The following MAGEB6B variants were observed in gnomAD, a reference collection of about 807,000 sequenced individuals.
MAGEB6B encodes MAGE family member B6B, also known as melanoma-associated antigen B6B.
For missense variants in MAGEB6B, 277 were observed against 251.5 expected, an observed-to-expected ratio of 1.10 and a Z score of -0.69; for synonymous variants, 107 against 102.3, an observed-to-expected ratio of 1.05 and a Z score of -0.27.
exon 1 of MAGEB6B, chrX:26,161,807 T>C: frequency 1.7e-6 from 2 of 1,209,289 alleles, no homozygotes; most frequent in South Asian, 3.5e-5. Flanking sequence ...AGAGAGAGCA[T>C]TGAGACTGAG....
exon 1 of MAGEB6B, chrX:26,161,814 T>C: frequency 1.2e-5 from 14 of 1,208,558 alleles, no homozygotes; most frequent in Non-Finnish European, 1.6e-5. Context: ...GCATTGAGAC[T>C]GAGAGCTTAA....
chrX:26,160,836 G>A (rs1439029736), exon 1 of MAGEB6B: 3 of 624,384 alleles, frequency 4.8e-6, no homozygotes, highest in Non-Finnish European at 8.4e-6. Context: ...GGTGCTTCAT[G>A]CTCAAAATAT....
chrX:26,160,778 G>C, exon 1 of MAGEB6B: 1 of 597,421 alleles, frequency 1.7e-6, no homozygotes, highest in Non-Finnish European at 3.0e-6. Flanking sequence ...TGGTTCCTCC[G>C]TTCCTCAGGA....
exon 1 of MAGEB6B, chrX:26,160,850 G>C (rs1569250119): frequency 3.2e-6 from 2 of 616,259 alleles, no homozygotes; most frequent in Non-Finnish European, 5.7e-6. Context: ...AAAATATGAT[G>C]TGGCTGCCAT....
chrX:26,160,854 C>T lies in MAGEB6B; in HGVS notation c.254C>T (p.Ala85Val), dbSNP rs182797029. 2,778 of 612,104 alleles carry T rather than the reference C, an allele frequency of 4.5e-3. 47 individuals are homozygous for T. In the African/African-American group the frequency reaches 0.052, roughly 11 times the overall value. The allele number at this position is 612,104 out of a possible 1,213,427, so 50.4% of individuals were successfully genotyped here. ...GCTTCATGCTCAAAATATGATGTGG[C>T]TGCCATGGGTCAAGATGAGAAAAGT... The change falls in exon 1 of 1, where the codon GCT becomes GTT. Residue 85 changes from alanine to valine, a missense_variant. Transcript: ENST00000416929.
At chrX:26,162,090 G>A (rs1928698564), downstream of MAGEB6B, among the ~76,000 whole-genome samples, 1 of 112,182 alleles carries the variant, frequency 8.9e-6, no homozygotes, top group Admixed American at 9.5e-5. Flanking sequence ...GGTTTATTTT[G>A]CTTCAGATTA....
chrX:26,160,989 G>A, exon 1 of MAGEB6B: 1 of 751,371 alleles, frequency 1.3e-6, no homozygotes, highest in Non-Finnish European at 2.1e-6. Flanking sequence ...GCTGCCAAGG[G>A]TCAAAATGAG....
At chrX:26,160,678 A>G (rs768818788) in exon 1 of MAGEB6B, 14 of 570,042 alleles carry the variant, frequency 2.5e-5, no homozygotes, top group Non-Finnish European at 3.9e-5. Flanking sequence ...AAGGTCTCAC[A>G]GGTCCCCAGG....
At position 26,161,124 on chromosome X, in the gene MAGEB6B, A is replaced by C. The variant is rs370430453; in HGVS notation, c.524A>C (p.Glu175Ala). The change falls in exon 1 of 1, where the codon GAG becomes GCG. Residue 175 changes from glutamate (E) to alanine (A), a missense_variant. Glu to Ala is a moderately radical substitution (Grantham distance 107). Transcript: ENST00000416929. ...GATGTGGCTGCCAAGGGTCAAGATG[A>C]GGAAAGTTTAAGCTCCTCCAAGAGA... The C allele has an allele frequency of 3.3e-4, 320 of 966,769 alleles. 1 individual carries two copies. The highest frequency in any genetic ancestry group is 4.5e-4 in the Non-Finnish European group (302 of 673,249). 79.7% of individuals were successfully genotyped at this position (966,769 alleles called of 1,213,427 possible).
In MAGEB6B at chrX:26,161,274, TC is replaced by T; in HGVS notation, c.676del (p.Arg226AlafsTer19). On this transcript the variant is annotated frameshift_variant, in exon 1 of 1. Transcript: ENST00000416929. LOFTEE classifies it low-confidence loss of function (END_TRUNC). ...TTGAAGGCAGACATGCTGAAGCGTC[TC>T]CGCAGACAGTACAAGCCATGCTTCC... 1.5e-6 allele frequency: 1 copy of T among 660,856 alleles called. No homozygotes were observed. The highest frequency in any genetic ancestry group is 2.5e-6 in the Non-Finnish European group (1 of 392,719). 54.5% of individuals were successfully genotyped at this position (660,856 alleles called of 1,213,427 possible). A position where few individuals can be genotyped will look rare whatever the true frequency, so the allele number is the denominator to read the frequency against.
exon 1 of MAGEB6B, chrX:26,161,173 C>A: frequency 3.9e-6 from 3 of 763,106 alleles, no homozygotes; most frequent in East Asian, 3.1e-5. Context: ...CAACCACAGA[C>A]GGAGATCCTA....
At chrX:26,161,990 T>C (rs141568591), downstream of MAGEB6B, among the ~76,000 whole-genome samples, 431 of 112,444 alleles carry the variant, frequency 3.8e-3, 3 homozygotes, top group African/African-American at 0.013. Context: ...GAACAAGATA[T>C]GTATTTCTTT....
exon 1 of MAGEB6B, chrX:26,161,552 G>A: frequency 8.3e-7 from 1 of 1,211,326 alleles, no homozygotes; most frequent in Non-Finnish European, 1.1e-6. Context: ...GGGGATATAT[G>A]ATGGGATCCT....
downstream of MAGEB6B, among the ~76,000 whole-genome samples, chrX:26,162,331 AAATTGTTT>A (rs1928702298): frequency 8.9e-6 from 1 of 112,246 alleles, no homozygotes; most frequent in Non-Finnish European, 1.9e-5. Context: ...AGAAATGTAA[AAATTGTTT>A]AATTCTTGGT....
chrX:26,162,400 A>G (rs1378370924), downstream of MAGEB6B, among the ~76,000 whole-genome samples: 3 of 111,381 alleles, frequency 2.7e-5, no homozygotes, highest in Non-Finnish European at 5.6e-5. Context: ...GGATACCTGG[A>G]TTTATTTAGG....
chrX:26,161,495 G>A, exon 1 of MAGEB6B: 2 of 1,203,704 alleles, frequency 1.7e-6, no homozygotes, highest in African/African-American at 1.7e-5. Context: ...CTTCATGAGA[G>A]GCAACCGTGC....
At chrX:26,160,882 T>C (rs758218664) in exon 1 of MAGEB6B, 6 of 592,777 alleles carry the variant, frequency 1.0e-5, no homozygotes, top group Non-Finnish European at 1.8e-5. Flanking sequence ...AGAAAAGTCC[T>C]AGTACCTCCC....
At chrX:26,162,294 A>G (rs1206353579), downstream of MAGEB6B, among the ~76,000 whole-genome samples, 2 of 112,505 alleles carry the variant, frequency 1.8e-5, no homozygotes, top group Admixed American at 9.4e-5. Context: ...TTGACATCAT[A>G]ATATGAAGAG....
At position 26,161,121 on chromosome X, in the gene MAGEB6B, A is replaced by T. The variant is rs182388814; in HGVS notation, c.521A>T (p.Asp174Val). The change falls in exon 1 of 1, where the codon GAT becomes GTT. Residue 174 changes from aspartate (D) to valine (V), a missense_variant. By Grantham distance (152) the Asp-to-Val change is radical. Transcript: ENST00000416929. ...TCTGATGTGGCTGCCAAGGGTCAAG[A>T]TGAGGAAAGTTTAAGCTCCTCCAAG... 2.6e-4 allele frequency: 253 copies of T among 981,215 alleles called. 1 individual carries two copies. The Admixed American group carries it at 5.5e-3, about 21-fold the overall frequency. The allele number at this position is 981,215 out of a possible 1,213,427, so 80.9% of individuals were successfully genotyped here. A position where few individuals can be genotyped will look rare whatever the true frequency, so the allele number is the denominator to read the frequency against.
Sources: gnomAD v4.1 joint callset for allele counts (sites outside exome capture counted in the v4.1 genomes callset) on GRCh38, gnomAD v4.1.1 for gene constraint, MANE v1.5 for transcripts, NCBI Gene and HGNC (gene_info 2026-07-23, HGNC 2026-07-21) for gene names.